The following TLK1 variants were observed in gnomAD, a reference collection of about 807,000 sequenced individuals.
TLK1 encodes tousled like kinase 1.
Under a neutral mutation model 105.3 loss-of-function variants are expected in TLK1, and 24 were observed. The ratio of observed to expected loss-of-function variants is 0.23; its 90% CI spans 0.17 to 0.32. The LOEUF (loss-of-function observed/expected upper bound fraction) is 0.32. Ranked by LOEUF, TLK1 falls within the 10% of genes least tolerant of loss-of-function variation. The pLI is 1.00. For missense variants in TLK1, 558 were observed against 910.5 expected (o/e 0.61, Z 4.98); for synonymous variants, 321 against 310.4 (o/e 1.03, Z -0.36).
intron 1 of TLK1, among the ~76,000 whole-genome samples, chr2:171,186,130 G>C (rs569415687): frequency 6.6e-6 from 1 of 152,330 alleles, no homozygotes; most frequent in East Asian, 1.9e-4. Flanking sequence ...ATATGACTCA[G>C]GCTCTAAAAG....
chr2:171,069,231 T>C (rs929547876), intron 3 of TLK1, among the ~76,000 whole-genome samples: 5 of 152,180 alleles, frequency 3.3e-5, no homozygotes, highest in African/African-American at 1.2e-4. Context: ...AGCACAGTAG[T>C]TGAGAGCATC....
At chr2:171,004,943 T>G (rs976010228) in intron 18 of TLK1, among the ~76,000 whole-genome samples, 8 of 152,338 alleles carry the variant, frequency 5.3e-5, no homozygotes, top group Admixed American at 2.0e-4. Flanking sequence ...AATTTAAAAT[T>G]TGAAAGTGGC....
chr2:170,998,603 C>T (rs758858120), intron 18 of TLK1, among the ~76,000 whole-genome samples: 1 of 152,166 alleles, frequency 6.6e-6, no homozygotes, highest in South Asian at 2.1e-4. Flanking sequence ...CTCTGTGTTA[C>T]TGCAGAATGG....
In TLK1 at chr2:171,130,266, G is replaced by A. The variant is rs543547170; in HGVS notation, c.140-12409C>T. Among the ~76,000 whole-genome samples, 32 of 152,298 alleles carry A rather than the reference G, an allele frequency of 2.1e-4. 1 individual carries two copies. The South Asian group carries it at 6.4e-3, about 31-fold the overall frequency. ...GAAATACAAAAATTAGCTGGGCGTG[G>A]TGGCATGTGCCTGTAGTCTCAGCTA... On this transcript the variant is annotated intron_variant, in intron 1 of 20. Coordinates refer to ENST00000431350, the MANE Select transcript of TLK1 (RefSeq NM_012290.5).
At chr2:171,087,458 A>G (rs1168383013) in intron 2 of TLK1, among the ~76,000 whole-genome samples, 1 of 152,186 alleles carries the variant, frequency 6.6e-6, no homozygotes, top group Non-Finnish European at 1.5e-5. Context: ...AGAAAAAAAT[A>G]TTGAAAAATA....
intron 1 of TLK1, among the ~76,000 whole-genome samples, chr2:171,134,339 A>C (rs1013119351): frequency 3.3e-5 from 5 of 152,182 alleles, no homozygotes; most frequent in Admixed American, 3.3e-4. Context: ...CATTCTTGCA[A>C]TATATTACCT....
intron 1 of TLK1, among the ~76,000 whole-genome samples, chr2:171,120,551 A>C (rs2105535713): frequency 6.6e-6 from 1 of 152,330 alleles, no homozygotes; most frequent in African/African-American, 2.4e-5. Flanking sequence ...GCTCAACATT[A>C]ATCATGAGGG....
intron 3 of TLK1, among the ~76,000 whole-genome samples, chr2:171,071,668 G>A (rs1333320656): frequency 6.6e-6 from 1 of 152,192 alleles, no homozygotes; most frequent in Non-Finnish European, 1.5e-5. Flanking sequence ...ATGTCCTGGA[G>A]AGTTTCCCCA....
At chr2:171,046,399 T>G (rs1196035916) in intron 10 of TLK1, 37 bp from the exon 11 acceptor site, 16 of 1,512,154 alleles carry the variant, frequency 1.1e-5, no homozygotes, top group Non-Finnish European at 1.4e-5. Flanking sequence ...ATATTAACCT[T>G]CCATTACTTT....
Position 170,997,752 on chromosome 2 carries a change from G to C in TLK1, c.1976C>G (p.Ser659Trp). Reference sequence around the variant, plus strand: ...ACACTGAAAGAAGATGACTCCAACCGACCATACATCAACCTTGTTGGAAAT... The same window carrying C: ...ACACTGAAAGAAGATGACTCCAACCCACCATACATCAACCTTGTTGGAAAT... ...PKISNKVDVW[S>W]VGVIFFQCLY... Residue 659 changes from serine to tryptophan, a missense_variant, in exon 19 of 21, where the codon TCG becomes TGG. Physicochemically the swap from Ser to Trp is radical, Grantham distance 177. This residue lies in a region of TLK1 where 218 missense variants were observed against 492.9 expected (regional missense o/e 0.44). Coordinates refer to ENST00000431350, the MANE Select transcript of TLK1 (RefSeq NM_012290.5). 6.2e-7 allele frequency: 1 copy of C among 1,609,224 alleles called. No individual in the cohort carries two copies.
At chr2:171,125,200 G>A (rs1690818360) in intron 1 of TLK1, among the ~76,000 whole-genome samples, 1 of 152,168 alleles carries the variant, frequency 6.6e-6, no homozygotes, top group African/African-American at 2.4e-5. Context: ...TTTTTATGAA[G>A]AAATTATGCT....
At chr2:171,111,646 C>T (rs192289521) in intron 2 of TLK1, among the ~76,000 whole-genome samples, 8 of 150,358 alleles carry the variant, frequency 5.3e-5, no homozygotes, top group Non-Finnish European at 8.8e-5. Flanking sequence ...GACAGTTTTA[C>T]GTGTCTACTC....
chr2:171,210,211 A>T (rs1465687672), intron 1 of TLK1, among the ~76,000 whole-genome samples: 3 of 152,196 alleles, frequency 2.0e-5, no homozygotes, highest in Non-Finnish European at 4.4e-5. Flanking sequence ...GGTGTGTATT[A>T]TAGCGGCCCC....
rs188670223 is a variant in TLK1, at chr2:171,229,895, G to T, written c.-6+1250C>A. ...TTTCTGATTTTGCACAAAGCTCCAG[G>T]TTCTACCATGCACAAGGCCTTGCTG... On this transcript the variant is annotated intron_variant, in intron 1 of 20. Transcript: ENST00000521943. Among the ~76,000 whole-genome samples, 342 of 152,286 alleles carry T rather than the reference G, an allele frequency of 2.2e-3. 2 individuals are homozygous for T. Among genetic ancestry groups the T allele is most frequent in the African/African-American group, 6.8e-3 (281 of 41,562 alleles).
intron 1 of TLK1, among the ~76,000 whole-genome samples, chr2:171,212,139 C>T (rs1460913442): frequency 2.6e-5 from 4 of 152,182 alleles, no homozygotes; most frequent in African/African-American, 9.7e-5. Context: ...CATGCCTGGC[C>T]TCCTCTCGTT....
intron 13 of TLK1, among the ~76,000 whole-genome samples, chr2:171,013,715 C>G (rs1184631451): frequency 6.6e-6 from 1 of 152,146 alleles, no homozygotes; most frequent in Non-Finnish European, 1.5e-5. Flanking sequence ...ATAGACATCA[C>G]AAGAAGACCT....
At chr2:171,053,188 T>C (rs1422022042) in intron 8 of TLK1, among the ~76,000 whole-genome samples, 3 of 152,234 alleles carry the variant, frequency 2.0e-5, no homozygotes, top group Non-Finnish European at 4.4e-5. Context: ...AACTTTAACA[T>C]GAAATGGCTA....
chr2:171,041,435 G>A (rs746543163), intron 11 of TLK1, among the ~76,000 whole-genome samples: 4 of 152,066 alleles, frequency 2.6e-5, no homozygotes, highest in Non-Finnish European at 5.9e-5. Flanking sequence ...CCCACCCCTG[G>A]GCCACAGACC....
At chr2:171,101,729 GCAA>G (rs1400391699) in intron 2 of TLK1, among the ~76,000 whole-genome samples, 1 of 152,146 alleles carries the variant, frequency 6.6e-6, no homozygotes, top group Non-Finnish European at 1.5e-5. Context: ...AATCATTCAT[GCAA>G]ACACTCATAT....
Sources: allele counts gnomAD v4.1 joint callset (sites outside exome capture counted in the v4.1 genomes callset), GRCh38; gene constraint gnomAD v4.1.1; regional missense constraint gnomAD v4.1.1; transcripts MANE v1.5; gene names NCBI Gene and HGNC (gene_info 2026-07-23, HGNC 2026-07-21).